The following BCL7B variants were observed in gnomAD, a reference collection of about 807,000 sequenced individuals.
BCL7B encodes the protein B-cell CLL/lymphoma 7 protein family member B.
Under a neutral mutation model 26.5 loss-of-function variants are expected in BCL7B, and 11 were observed. The ratio of observed to expected loss-of-function variants is 0.42; its 90% CI spans 0.26 to 0.69. BCL7B has a LOEUF of 0.69. Ranked by LOEUF, BCL7B falls within the 30% of genes least tolerant of loss-of-function variation. The pLI, the probability that BCL7B is intolerant of heterozygous loss-of-function variation, is 0.28. For synonymous variants in BCL7B, 111 were observed against 107.9 expected, an observed-to-expected ratio of 1.03 and a Z score of -0.18; for missense variants, 215 against 264.4, an observed-to-expected ratio of 0.81 and a Z score of 1.30.
Position 73,537,985 on chromosome 7 carries a change from A to G in BCL7B, c.465T>C (p.Ala155=). The G allele has an allele frequency of 6.2e-7, 1 of 1,606,710 alleles. No homozygotes were observed. The highest frequency in any genetic ancestry group is 8.5e-7 in the Non-Finnish European group (1 of 1,176,400). ...CCTTGGTGAGGGTAGGAGGTTCATC[A>G]GCAACTTCCGAGGAGGGCAGGGAGG... ...EEPSLPSSEV[A]DEPPTLTKEE... is the part of the protein sequence containing the mutation. The change falls in exon 5 of 6, where the codon GCT becomes GCC. Residue 155 remains alanine (A), a synonymous_variant. Transcript: ENST00000223368.
intron 3 of BCL7B, among the ~76,000 whole-genome samples, chr7:73,540,973 C>A (rs1265741426): frequency 6.6e-6 from 1 of 151,534 alleles, no homozygotes; most frequent in Non-Finnish European, 1.5e-5. Context: ...ATGGTGAAAC[C>A]CCGTCTCTAC....
At chr7:73,541,201 A>G (rs1020866045) in intron 3 of BCL7B, among the ~76,000 whole-genome samples, 1 of 152,074 alleles carries the variant, frequency 6.6e-6, no homozygotes, top group African/African-American at 2.4e-5. Context: ...TCACCAATGC[A>G]TTCCTCCGCT....
In BCL7B at chr7:73,545,444, G is replaced by A. The variant is rs183323778; in HGVS notation, c.169-1800C>T. On this transcript the variant is annotated intron_variant, in intron 2 of 5. Transcript: ENST00000223368. Reference sequence around the variant, plus strand: ...TAGCCAGGATGGTCTCGATCTCCTGGCTCCAGGATGGTCTCAATCCGCCCG... The same window carrying A: ...TAGCCAGGATGGTCTCGATCTCCTGACTCCAGGATGGTCTCAATCCGCCCG... 1.4e-4 allele frequency among the ~76,000 whole-genome samples: 21 copies of A among 151,846 alleles called. No individual in the cohort carries two copies. The East Asian group carries it at 3.9e-3, about 28-fold the overall frequency.
Position 73,557,127 on chromosome 7 carries a change from T to C in BCL7B, c.92+360A>G, listed in dbSNP as rs1316354704. On this transcript the variant is annotated intron_variant, in intron 1 of 5. Coordinates refer to ENST00000223368, the MANE Select transcript of BCL7B (RefSeq NM_001707.4). ...TACTCGCTATTATCAAGAGGAAGCCTGGAAACGCAGGCGGGGCCACTGCCC... is the reference window on the plus strand; with the variant it reads ...TACTCGCTATTATCAAGAGGAAGCCCGGAAACGCAGGCGGGGCCACTGCCC... The C allele has an allele frequency of 1.2e-5, 12 of 999,054 alleles. No homozygotes were observed. The East Asian group carries it at 1.0e-3, about 85-fold the overall frequency. 61.9% of individuals were successfully genotyped at this position (999,054 alleles called of 1,614,324 possible). A position where few individuals can be genotyped will look rare whatever the true frequency, so the allele number is the denominator to read the frequency against.
chr7:73,551,501 A>G (rs1792168744), intron 2 of BCL7B, among the ~76,000 whole-genome samples: 1 of 151,968 alleles, frequency 6.6e-6, no homozygotes, highest in Non-Finnish European at 1.5e-5. Context: ...CAGGGGTTGC[A>G]CTATGTTGGC....
intron 1 of BCL7B, 158 bp downstream of exon 1, chr7:73,557,329 T>C (rs1428842191): frequency 4.3e-6 from 5 of 1,175,026 alleles, no homozygotes; most frequent in Non-Finnish European, 3.2e-6. Context: ...GCGCGCCCTC[T>C]GACCTCACGC....
At position 73,549,009 on chromosome 7, in the gene BCL7B, T is replaced by C. The variant is rs111428844; in HGVS notation, c.168+3158A>G. ...TGGTGGGAATATAAATTGGTACAAC[T>C]ACCATTTCAGCAAATAGTTTAGCAT... On this transcript the variant is annotated intron_variant, in intron 2 of 5. Coordinates refer to ENST00000223368, the MANE Select transcript of BCL7B (RefSeq NM_001707.4). Among the ~76,000 whole-genome samples the C allele has an allele frequency of 6.9e-3, 1,053 of 152,284 alleles. 8 individuals carry two copies. Among genetic ancestry groups the C allele is most frequent in the Non-Finnish European group, 0.012 (788 of 68,020 alleles).
intron 2 of BCL7B, among the ~76,000 whole-genome samples, chr7:73,548,408 A>G (rs186697987): frequency 2.0e-5 from 3 of 152,176 alleles, no homozygotes; most frequent in Non-Finnish European, 4.4e-5. Flanking sequence ...AGACTGAGCA[A>G]CAGAGTGAGA....
At chr7:73,550,183 T>G (rs1554583951) in intron 2 of BCL7B, among the ~76,000 whole-genome samples, 1 of 152,090 alleles carries the variant, frequency 6.6e-6, no homozygotes, top group Admixed American at 6.6e-5. Context: ...TCACTGCAAA[T>G]AAGAAAATGC....
Position 73,554,316 on chromosome 7 carries a change from T to C in BCL7B, c.93-2074A>G, listed in dbSNP as rs74301583. Among the ~76,000 whole-genome samples the C allele has an allele frequency of 9.0e-4, 137 of 152,022 alleles. No homozygotes were observed. The East Asian group carries it at 0.024, about 27-fold the overall frequency. On this transcript the variant is annotated intron_variant, in intron 1 of 5. Transcript: ENST00000223368. ...TAAGCGTGCAGGCAGAGAACAAATTTGCTTATTTTAAGGTCCACCAATACC... is the reference window on the plus strand; with the variant it reads ...TAAGCGTGCAGGCAGAGAACAAATTCGCTTATTTTAAGGTCCACCAATACC...
At chr7:73,541,462 G>C (rs1158766018) in intron 3 of BCL7B, among the ~76,000 whole-genome samples, 1 of 148,210 alleles carries the variant, frequency 6.7e-6, no homozygotes, top group African/African-American at 2.5e-5. Context: ...GTCATACCCA[G>C]TACTTTTTTT....
At chr7:73,537,902 A>C (rs782616336) in intron 5 of BCL7B, 32 bp downstream of exon 5, 10 of 1,536,344 alleles carry the variant, frequency 6.5e-6, no homozygotes, top group Middle Eastern at 3.5e-4. Context: ...CCAAAAAAAC[A>C]AAAAACTGGA....
chr7:73,556,647 G>T (rs1792370716), intron 1 of BCL7B, among the ~76,000 whole-genome samples: 1 of 152,084 alleles, frequency 6.6e-6, no homozygotes, highest in Admixed American at 6.6e-5. Flanking sequence ...TTAGACACGG[G>T]GTCTCTCTCC....
chr7:73,550,182 A>G (rs1261779650), intron 2 of BCL7B, among the ~76,000 whole-genome samples: 1 of 152,232 alleles, frequency 6.6e-6, no homozygotes, highest in Non-Finnish European at 1.5e-5. Context: ...CTCACTGCAA[A>G]TAAGAAAATG....
chr7:73,541,003 C>T (rs1453701150), intron 3 of BCL7B, among the ~76,000 whole-genome samples: 1 of 151,772 alleles, frequency 6.6e-6, no homozygotes, highest in Non-Finnish European at 1.5e-5. Context: ...AAAAATTAGC[C>T]GGGCATGATA....
At chr7:73,540,306 C>T (rs1554582685) in intron 3 of BCL7B, 2 of 413,998 alleles carry the variant, frequency 4.8e-6, no homozygotes, top group East Asian at 4.1e-5. Context: ...CCACTGATTG[C>T]AGCTTGTGGA....
At chr7:73,545,973 T>C (rs929776474) in intron 2 of BCL7B, among the ~76,000 whole-genome samples, 1 of 151,392 alleles carries the variant, frequency 6.6e-6, no homozygotes, top group Non-Finnish European at 1.5e-5. Flanking sequence ...CCACTAAAAA[T>C]ACAAAAAAAT....
chr7:73,550,604 CAA>C (rs1219924295), intron 2 of BCL7B, among the ~76,000 whole-genome samples: 3 of 151,308 alleles, frequency 2.0e-5, no homozygotes, highest in African/African-American at 7.3e-5. Context: ...ACAGAGAATA[CAA>C]AGAGGTTCTG....
chr7:73,557,449 C>G (rs781969026), intron 1 of BCL7B, 38 bp downstream of exon 1: 4 of 1,305,306 alleles, frequency 3.1e-6, no homozygotes, highest in African/African-American at 1.6e-5. Context: ...GGCCTGGATC[C>G]GCGACCCCCG....
Sources: allele counts gnomAD v4.1 joint callset (sites outside exome capture counted in the v4.1 genomes callset), GRCh38; gene constraint gnomAD v4.1.1; transcripts MANE v1.5; gene names NCBI Gene and HGNC (gene_info 2026-07-23, HGNC 2026-07-21).